Variants in ACTR3C observed in about 807,000 individuals in gnomAD.
ACTR3C encodes the protein actin-related protein 3C.
Under a neutral mutation model 26.3 loss-of-function variants are expected in ACTR3C, and 18 were observed. That is an observed-to-expected ratio of 0.68 (90% CI 0.47 to 1.01). The LOEUF (loss-of-function observed/expected upper bound fraction) is 1.01. ACTR3C is among the 50% of genes least tolerant of loss of function. The pLI, the probability that ACTR3C is intolerant of heterozygous loss-of-function variation, is 0.00. For synonymous variants in ACTR3C, 55 were observed against 94.5 expected (o/e 0.58, Z 2.42); for missense variants, 184 against 250.7 (o/e 0.73, Z 1.80).
the ACTR3C span, among the ~76,000 whole-genome samples, chr7:149,883,337 C>G: frequency 5.2e-4 from 79 of 152,216 alleles, no homozygotes; most frequent in African/African-American, 1.9e-3. Context: ...CACCCGTGCC[C>G]CCAACACCAT....
the ACTR3C span, among the ~76,000 whole-genome samples, chr7:150,155,964 A>T: frequency 1.3e-5 from 2 of 152,150 alleles, no homozygotes; most frequent in Non-Finnish European, 2.9e-5. Context: ...GAGAGAGTAA[A>T]AGTTGACCTA....
chr7:150,130,790 A>G, the ACTR3C span, among the ~76,000 whole-genome samples: 2 of 152,220 alleles, frequency 1.3e-5, no homozygotes, highest in Non-Finnish European at 2.9e-5. Flanking sequence ...ACGAAATTCT[A>G]CATAATAATA....
At chr7:150,135,439 G>A in the ACTR3C span, among the ~76,000 whole-genome samples, 2 of 152,132 alleles carry the variant, frequency 1.3e-5, no homozygotes, top group Non-Finnish European at 2.9e-5. Context: ...GCCTAAGGAG[G>A]GACCGGAATG....
chr7:150,160,403 T>C, the ACTR3C span, among the ~76,000 whole-genome samples: 2 of 152,088 alleles, frequency 1.3e-5, no homozygotes, highest in African/African-American at 4.8e-5. Flanking sequence ...TCACCCCTTC[T>C]CTGAAACTAG....
the ACTR3C span, among the ~76,000 whole-genome samples, chr7:149,999,028 C>T: frequency 2.1e-4 from 31 of 150,422 alleles, no homozygotes; most frequent in Non-Finnish European, 4.1e-4. Context: ...CCTGCTGCCT[C>T]CACAAGCCCC....
At chr7:150,279,095 G>A (rs558150600) in intron 6 of ACTR3C, among the ~76,000 whole-genome samples, 1 of 152,146 alleles carries the variant, frequency 6.6e-6, no homozygotes, top group Non-Finnish European at 1.5e-5. Context: ...TTGAGGCCAG[G>A]CGTTTAAGAC....
At chr7:149,929,425 CA>C in the ACTR3C span, among the ~76,000 whole-genome samples, 3,694 of 48,830 alleles carry the variant, frequency 0.076, 17 homozygotes, top group Middle Eastern at 0.13. Context: ...AAGATTCTGT[CA>C]AAAAAAAAAA....
the ACTR3C span, among the ~76,000 whole-genome samples, chr7:150,176,874 G>C: frequency 6.6e-6 from 1 of 150,668 alleles, no homozygotes. Context: ...TAATTGTATA[G>C]CACAATTACA....
the ACTR3C span, among the ~76,000 whole-genome samples, chr7:150,049,445 C>T: frequency 6.6e-6 from 1 of 152,246 alleles, no homozygotes; most frequent in East Asian, 1.9e-4. Context: ...CCGCCTCCTT[C>T]CACATGGAGG....
chr7:150,291,455 G>C (rs147486244), intron 3 of ACTR3C, among the ~76,000 whole-genome samples: 1 of 152,074 alleles, frequency 6.6e-6, no homozygotes, highest in Non-Finnish European at 1.5e-5. Context: ...AGAGCTTAAA[G>C]ACTATACGGC....
chr7:150,130,561 T>C, the ACTR3C span, among the ~76,000 whole-genome samples: 3,445 of 152,316 alleles, frequency 0.023, 124 homozygotes, highest in African/African-American at 0.079. Context: ...AAAAAGATAC[T>C]CATCATTTGT....
the ACTR3C span, among the ~76,000 whole-genome samples, chr7:149,890,165 G>C: frequency 6.6e-6 from 1 of 152,054 alleles, no homozygotes; most frequent in Non-Finnish European, 1.5e-5. Flanking sequence ...AATTGGATCT[G>C]GGACCATTTG....
the ACTR3C span, among the ~76,000 whole-genome samples, chr7:150,113,603 T>C: frequency 6.6e-6 from 1 of 152,248 alleles, no homozygotes; most frequent in Admixed American, 6.5e-5. Context: ...TACTGCAATC[T>C]ACTTCTCCTC....
chr7:150,090,834 TG>T, the ACTR3C span, among the ~76,000 whole-genome samples: 3 of 152,122 alleles, frequency 2.0e-5, no homozygotes, highest in Non-Finnish European at 2.9e-5. Context: ...CTTTCATGCT[TG>T]GGTTATATAA....
chr7:150,282,452 T>C (rs1405352159), intron 6 of ACTR3C, among the ~76,000 whole-genome samples: 1 of 150,182 alleles, frequency 6.7e-6, no homozygotes, highest in Non-Finnish European at 1.5e-5. Context: ...CAACGGGGTA[T>C]AGAGTTCAGC....
the ACTR3C span, among the ~76,000 whole-genome samples, chr7:149,973,235 C>T: frequency 6.6e-6 from 1 of 152,222 alleles, no homozygotes; most frequent in Non-Finnish European, 1.5e-5. Flanking sequence ...GGTGAAGGAG[C>T]ACACGGGTCA....
chr7:150,303,642 C>T (rs187902838), intron 1 of ACTR3C, among the ~76,000 whole-genome samples: 73 of 152,312 alleles, frequency 4.8e-4, no homozygotes, highest in Middle Eastern at 3.4e-3. Flanking sequence ...ACAAACCCTC[C>T]GTCTTCCTCA....
the ACTR3C span, among the ~76,000 whole-genome samples, chr7:150,139,989 C>T: frequency 5.3e-5 from 8 of 151,944 alleles, no homozygotes; most frequent in African/African-American, 9.7e-5. Context: ...CACACACATA[C>T]GCATGCACAC....
the ACTR3C span, among the ~76,000 whole-genome samples, chr7:150,209,288 CAGAG>C: frequency 8.7e-4 from 113 of 129,598 alleles, 15 homozygotes; most frequent in African/African-American, 3.9e-3. Flanking sequence ...GAGACAGAAA[CAGAG>C]AGAGAGAGAG....
Sources: gnomAD v4.1 joint callset for allele counts (sites outside exome capture counted in the v4.1 genomes callset) on GRCh38, gnomAD v4.1.1 for gene constraint, MANE v1.5 for transcripts, NCBI Gene and HGNC (gene_info 2026-07-23, HGNC 2026-07-21) for gene names.